AKNAD1: variants seen among roughly 807,000 people sequenced by gnomAD.
AKNAD1 encodes the protein AKNA domain containing 1.
Under a neutral mutation model 90.8 loss-of-function variants are expected in AKNAD1, and 67 were observed. The ratio of observed to expected loss-of-function variants is 0.74; its 90% confidence interval spans 0.61 to 0.90. The LOEUF is 0.90. Ranked by LOEUF, AKNAD1 falls within the 40% of genes least tolerant of loss-of-function variation. The pLI is 0.00. For missense variants in AKNAD1, 957 were observed against 975.4 expected (o/e 0.98, Z 0.25); for synonymous variants, 327 against 341.4 (o/e 0.96, Z 0.46).
chr1:108,830,276 T>C (rs933985454), intron 10 of AKNAD1, among the ~76,000 whole-genome samples: 1 of 152,210 alleles, frequency 6.6e-6, no homozygotes, highest in Non-Finnish European at 1.5e-5. Context: ...GCAATATTCC[T>C]ACCAGAGCCC....
At chr1:108,817,822 T>C (rs1358390853) in intron 14 of AKNAD1, among the ~76,000 whole-genome samples, 4 of 152,280 alleles carry the variant, frequency 2.6e-5, no homozygotes, top group African/African-American at 9.6e-5. Flanking sequence ...GCCAACTTTC[T>C]ACCTTGCATT....
intron 9 of AKNAD1, among the ~76,000 whole-genome samples, chr1:108,831,626 T>A (rs1664197966): frequency 6.6e-6 from 1 of 152,026 alleles, no homozygotes. Context: ...GATTTATTGG[T>A]TGTATTTCCT....
chr1:108,817,224 A>G (rs779637061), intron 14 of AKNAD1, 47 bp from the exon 15 acceptor site: 10 of 1,610,124 alleles, frequency 6.2e-6, no homozygotes, highest in African/African-American at 4.0e-5. Context: ...GCCACCCTCA[A>G]GCACACTCCT....
chr1:108,821,949 C>T (rs548023605), intron 13 of AKNAD1, among the ~76,000 whole-genome samples: 2 of 152,192 alleles, frequency 1.3e-5, no homozygotes, highest in South Asian at 2.1e-4. Context: ...AGGAGGCTCC[C>T]GTTGGACAAA....
At position 108,852,283 on chromosome 1, in the gene AKNAD1, T is replaced by C. The variant is rs575221022; in HGVS notation, c.382A>G (p.Ile128Val). ...ATCTCTGGGAGGGTTTCACAATCAA[T>C]GCCTTGACCTCTTAAGAATGGCTCT... ...SKEPFLRGQG[I>V]DCETLPEISN... Residue 128 changes from isoleucine to valine, a missense_variant, in exon 2 of 16, where the codon ATT becomes GTT. By Grantham distance (29) the Ile-to-Val change is conservative. Coordinates refer to ENST00000370001, the MANE Select transcript of AKNAD1 (RefSeq NM_152763.5). 3 of 1,614,206 alleles carry C rather than the reference T, an allele frequency of 1.9e-6. No individual in the cohort carries two copies. Among genetic ancestry groups the C allele is most frequent in the African/African-American group, 2.7e-5 (2 of 75,048 alleles).
chr1:108,851,551 C>A, intron 2 of AKNAD1, 121 bp downstream of exon 2: 1 of 932,166 alleles, frequency 1.1e-6, no homozygotes. Context: ...CCAGGGTGAC[C>A]CAGGGTGCTG....
At chr1:108,846,612 C>T (rs1664708899) in intron 5 of AKNAD1, among the ~76,000 whole-genome samples, 1 of 152,112 alleles carries the variant, frequency 6.6e-6, no homozygotes, top group African/African-American at 2.4e-5. Flanking sequence ...CTTGGCTTCT[C>T]CGCCTCCGCT....
intron 14 of AKNAD1, among the ~76,000 whole-genome samples, chr1:108,817,702 TC>T (rs1663664488): frequency 1.3e-5 from 2 of 151,744 alleles, no homozygotes; most frequent in Admixed American, 1.3e-4. Context: ...AGATGGGGTT[TC>T]ACCGTGTTAG....
chr1:108,843,657 T>A (rs1302610504), intron 5 of AKNAD1, among the ~76,000 whole-genome samples: 1 of 152,216 alleles, frequency 6.6e-6, no homozygotes, highest in East Asian at 1.9e-4. Flanking sequence ...TGTAGTAAAG[T>A]ATATTTTATT....
intron 6 of AKNAD1, 135 bp from the exon 7 acceptor site, chr1:108,837,841 C>T: frequency 4.1e-6 from 4 of 964,818 alleles, no homozygotes; most frequent in Non-Finnish European, 6.2e-6. Flanking sequence ...ATAATGGGAG[C>T]CCGCATGACT....
intron 14 of AKNAD1, among the ~76,000 whole-genome samples, chr1:108,817,914 A>G (rs956980779): frequency 3.3e-5 from 5 of 152,168 alleles, no homozygotes; most frequent in African/African-American, 1.2e-4. Flanking sequence ...TTTCACCCCA[A>G]GGAGGCAGAA....
intron 10 of AKNAD1, 116 bp downstream of exon 10, chr1:108,830,443 T>G (rs1664153213): frequency 1.1e-6 from 1 of 937,554 alleles, no homozygotes; most frequent in African/African-American, 1.6e-5. Context: ...GCCTGAGATC[T>G]GTGACTCTAT....
At chr1:108,849,398 G>A (rs140654759) in intron 3 of AKNAD1, 139 bp downstream of exon 3, 1 of 614,938 alleles carries the variant, frequency 1.6e-6, no homozygotes, top group Admixed American at 2.8e-5. Context: ...AGGATCATTT[G>A]AGCCCCAGAG....
chr1:108,816,235 A>C lies in AKNAD1; in HGVS notation c.2447T>G (p.Met816Arg). Residue 816 changes from methionine to arginine, a missense_variant, in exon 16 of 16, where the codon ATG becomes AGG. By Grantham distance (91) the Met-to-Arg change is moderately conservative. Transcript: ENST00000370001. Reference protein sequence around the residue: ...ATILKETTDQMIKTIAEDLAK... With the variant: ...ATILKETTDQRIKTIAEDLAK... ...AAGGTCTTCTGCAATCGTTTTAATC[A>C]TTTGATCTGTAGTTTCTTTCAAAAT... 3.1e-6 allele frequency: 5 copies of C among 1,613,830 alleles called. No homozygotes were observed. The highest frequency in any genetic ancestry group is 4.2e-6 in the Non-Finnish European group (5 of 1,179,908).
At chr1:108,842,983 T>A (rs1033399453) in intron 6 of AKNAD1, 151 bp downstream of exon 6, 13 of 956,438 alleles carry the variant, frequency 1.4e-5, no homozygotes, top group Non-Finnish European at 1.9e-5. Context: ...CTGTCTGTGG[T>A]ATTAGGTGAC....
chr1:108,834,853 C>T, intron 8 of AKNAD1, 76 bp downstream of exon 8: 1 of 1,491,826 alleles, frequency 6.7e-7, no homozygotes, highest in Middle Eastern at 2.5e-4. Context: ...GCCTCATGGG[C>T]CTTCCTGGAG....
rs773817757 is a variant in AKNAD1 at position 108,854,589 on chromosome 1, T to A, written c.-103-1822A>T. Reference sequence around the variant, plus strand: ...ACAAAAATCTTAATTTATAGACACATGCCAATGTTAGAGAACCCAAATTAA... The same window carrying A: ...ACAAAAATCTTAATTTATAGACACAAGCCAATGTTAGAGAACCCAAATTAA... On this transcript the variant is annotated intron_variant, in intron 1 of 15. Coordinates refer to ENST00000370001, the MANE Select transcript of AKNAD1 (RefSeq NM_152763.5). 5.9e-5 allele frequency among the ~76,000 whole-genome samples: 9 copies of A among 152,214 alleles called. 1 individual carries two copies. Among genetic ancestry groups the A allele is most frequent in the Admixed American group, 2.6e-4 (4 of 15,292 alleles).
At position 108,847,051 on chromosome 1, in the gene AKNAD1, T is replaced by C. The variant is rs147646981; in HGVS notation, c.1245+1701A>G. 4.1e-3 allele frequency among the ~76,000 whole-genome samples: 620 copies of C among 152,190 alleles called. 6 individuals carry two copies. Among genetic ancestry groups the C allele is most frequent in the Non-Finnish European group, 6.9e-3 (470 of 68,000 alleles). ...CCCATCTCCAGCCTCATTGCCAGCC[T>C]TCGTTCAGGCCCTCCTGACTTGTTA... On this transcript the variant is annotated intron_variant, in intron 5 of 15. Transcript: ENST00000370001.
In AKNAD1 at chr1:108,852,734, T is replaced by C. The variant is rs1664909402; in HGVS notation, c.-70A>G. On this transcript the variant is annotated 5_prime_UTR_variant, in exon 2 of 16. Coordinates refer to ENST00000370001, the MANE Select transcript of AKNAD1 (RefSeq NM_152763.5). ...CTGCTGTCAGTTGTAACAATAGCTC[T>C]GGTTCTCACTGACTGTCTTCACTGT... The C allele has an allele frequency of 1.4e-6, 2 of 1,417,464 alleles. No individual in the cohort carries two copies. The highest frequency in any genetic ancestry group is 4.6e-5 in the Admixed American group (2 of 43,690). The allele number at this position is 1,417,464 out of a possible 1,614,324, so 87.8% of individuals were successfully genotyped here.
Sources: gnomAD v4.1 joint callset for allele counts (sites outside exome capture counted in the v4.1 genomes callset) on GRCh38, gnomAD v4.1.1 for gene constraint, MANE v1.5 for transcripts, NCBI Gene and HGNC (gene_info 2026-07-23, HGNC 2026-07-21) for gene names.